The following SIRPA variants were observed in gnomAD, a reference collection of about 807,000 sequenced individuals.
SIRPA encodes signal regulatory protein alpha, also known as tyrosine-protein phosphatase non-receptor type substrate 1.
A neutral mutation model predicts 50.3 loss-of-function variants in SIRPA; 9 were observed. The ratio of observed to expected loss-of-function variants is 0.18; its 90% CI spans 0.11 to 0.31. The LOEUF (loss-of-function observed/expected upper bound fraction) is 0.31. SIRPA is among the 10% of genes least tolerant of loss of function. SIRPA has a pLI of 1.00. For missense variants in SIRPA, 474 were observed against 661.6 expected, an observed-to-expected ratio of 0.72 and a Z score of 3.11; for synonymous variants, 265 against 284.1, an observed-to-expected ratio of 0.93 and a Z score of 0.68.
intron 1 of SIRPA, among the ~76,000 whole-genome samples, chr20:1,911,636 C>T (rs1333047762): frequency 6.6e-6 from 1 of 152,146 alleles, no homozygotes; most frequent in East Asian, 1.9e-4. Flanking sequence ...TCTGGGGTTA[C>T]GTCCTCAGGG....
chr20:1,934,728 G>A lies in SIRPA; in HGVS notation c.1240G>A (p.Glu414Lys), dbSNP rs141454528. 5 of 1,613,964 alleles carry A rather than the reference G, an allele frequency of 3.1e-6. No homozygotes were observed. The highest frequency in any genetic ancestry group is 2.7e-5 in the African/African-American group (2 of 74,892). ...STSSTRLHEP[E>K]KNAREITQDT... is the part of the protein sequence containing the mutation. ...TTTCCTTTTTAGGTTGCATGAGCCCGAGAAGAATGCCAGAGAAATAACACA... is the reference window on the plus strand; with the variant it reads ...TTTCCTTTTTAGGTTGCATGAGCCCAAGAAGAATGCCAGAGAAATAACACA... The change falls in exon 7 of 8, where the codon GAG becomes AAG. Residue 414 changes from glutamate (E) to lysine (K), a missense_variant. Physicochemically the swap from Glu to Lys is moderately conservative, Grantham distance 56. This residue lies in a region of SIRPA where 180 missense variants were observed against 206.7 expected (regional missense o/e 0.87). Coordinates refer to ENST00000358771, the MANE Select transcript of SIRPA (RefSeq NM_001040023.2). The surrounding 1 kb of genome is among the most constrained non-coding windows in gnomAD (Gnocchi z 4.6).
In SIRPA at chr20:1,936,367, G is replaced by A. The variant is rs1019333643; in HGVS notation, c.1267-953G>A. On this transcript the variant is annotated intron_variant, in intron 7 of 7. Transcript: ENST00000358771. This position sits in a 1 kb window ranked among gnomAD's most constrained non-coding sequence, Gnocchi z 4.2. ...ATAGGTACCAGGCTCTGTTCTAAACGCTTTACCTGGATAATCTCATTCCAT... is the reference window on the plus strand; with the variant it reads ...ATAGGTACCAGGCTCTGTTCTAAACACTTTACCTGGATAATCTCATTCCAT... 6.6e-6 allele frequency among the ~76,000 whole-genome samples: 1 copy of A among 152,164 alleles called. No individual in the cohort carries two copies. The highest frequency in any genetic ancestry group is 2.4e-5 in the African/African-American group (1 of 41,434).
chr20:1,932,789 G>C lies in SIRPA; in HGVS notation c.1227-1926G>C, dbSNP rs901659092. 2.6e-5 allele frequency among the ~76,000 whole-genome samples: 4 copies of C among 152,094 alleles called. No individual in the cohort carries two copies. Among genetic ancestry groups the C allele is most frequent in the Non-Finnish European group, 5.9e-5 (4 of 68,016 alleles). ...TTGGAGGTGGAGCCGACGAGCCCTA[G>C]GTTGGATTAGATGAGAGCTGTAAAG... On this transcript the variant is annotated intron_variant, in intron 6 of 7. Transcript: ENST00000358771. This position sits in a 1 kb window ranked among gnomAD's most constrained non-coding sequence, Gnocchi z 6.0.
chr20:1,895,379 G>A (rs1229530254), upstream of SIRPA: 4 of 937,966 alleles, frequency 4.3e-6, no homozygotes, highest in African/African-American at 3.5e-5. Flanking sequence ...TCATTTCCCC[G>A]CTCCAGCCTG....
rs778793021 is a variant in SIRPA, at chr20:1,922,381, G to C, written c.823G>C (p.Val275Leu). 26 of 1,614,110 alleles carry C rather than the reference G, an allele frequency of 1.6e-5. No homozygotes were observed. The highest frequency in any genetic ancestry group is 2.2e-5 in the South Asian group (2 of 91,092). Residue 275 changes from valine to leucine, a missense_variant, in exon 4 of 8, where the codon GTG (valine) becomes CTG (leucine). Val to Leu is a conservative substitution (Grantham distance 32, BLOSUM62 1). This residue lies in a region of SIRPA where 221 missense variants were observed against 359.9 expected (regional missense o/e 0.61). Transcript: ENST00000358771. The stretch of plus-strand genomic sequence containing the variant: ...GAACCAGGTGAATGTCACCTGCCAG[G>C]TGAGGAAGTTCTACCCCCAGAGACT... ...AENQVNVTCQ[V>L]RKFYPQRLQL...
At position 1,936,814 on chromosome 20, in the gene SIRPA, C is replaced by T. The variant is rs2235746; in HGVS notation, c.1267-506C>T. Reference sequence around the variant, plus strand: ...CCCAAACAGACATGGTCCTGGGTAGCGGGCCCTGTGATGGAAAACAAACAT... The same window carrying T: ...CCCAAACAGACATGGTCCTGGGTAGTGGGCCCTGTGATGGAAAACAAACAT... On this transcript the variant is annotated intron_variant, in intron 7 of 7. Coordinates refer to ENST00000358771, the MANE Select transcript of SIRPA (RefSeq NM_001040023.2). The surrounding 1 kb of genome is among the most constrained non-coding windows in gnomAD (Gnocchi z 4.2). 0.2 allele frequency among the ~76,000 whole-genome samples: 30,085 copies of T among 152,048 alleles called. 3,245 individuals carry two copies. The highest frequency in any genetic ancestry group is 0.36 in the South Asian group (1,752 of 4,818).
At position 1,922,658 on chromosome 20, in the gene SIRPA, T is replaced by C. The variant is rs1600438084; in HGVS notation, c.1087+13T>C. On this transcript the variant is annotated intron_variant, in intron 4 of 7. Coordinates refer to ENST00000358771, the MANE Select transcript of SIRPA (RefSeq NM_001040023.2). ...AATACCGCCGCTGGTGAGGCCTCTA[T>C]TTCAGCTGACCCAGCTTTTTTAAAC... The C allele has an allele frequency of 6.2e-7, 1 of 1,601,778 alleles. No homozygotes were observed. Among genetic ancestry groups the C allele is most frequent in the East Asian group, 2.2e-5 (1 of 44,674 alleles).
chr20:1,894,339 G>C (rs1983626791), upstream of SIRPA: 1 of 151,598 alleles, frequency 6.6e-6, no homozygotes, highest in Admixed American at 6.6e-5. The surrounding 1 kb of genome is among the most constrained non-coding windows in gnomAD (Gnocchi z 4.0). Flanking sequence ...CGCGCGGCCG[G>C]AGTCCGGAGG....
In SIRPA at chr20:1,927,713, G is replaced by A. The variant is rs1359080779; in HGVS notation, c.1202-162G>A. Among the ~76,000 whole-genome samples the A allele has an allele frequency of 6.6e-6, 1 of 152,206 alleles. No individual in the cohort carries two copies. The highest frequency in any genetic ancestry group is 2.4e-5 in the African/African-American group (1 of 41,450). The stretch of plus-strand genomic sequence containing the variant: ...TTCCCAGGCTTCCTTGGTGGAAGAG[G>A]ATGCCCACTGGGTGGGCATGGGGGT... On this transcript the variant is annotated intron_variant, in intron 5 of 7. Transcript: ENST00000358771. The surrounding 1 kb of genome is among the most constrained non-coding windows in gnomAD (Gnocchi z 6.5).
chr20:1,936,769 C>G lies in SIRPA; in HGVS notation c.1267-551C>G, dbSNP rs866848953. Reference sequence around the variant, plus strand: ...TGAATGTCCCCACACGTACCACCATCAGCAGCACCTCCTCAGGCCCCCAAA... The same window carrying G: ...TGAATGTCCCCACACGTACCACCATGAGCAGCACCTCCTCAGGCCCCCAAA... On this transcript the variant is annotated intron_variant, in intron 7 of 7. Coordinates refer to ENST00000358771, the MANE Select transcript of SIRPA (RefSeq NM_001040023.2). The surrounding 1 kb of genome is among the most constrained non-coding windows in gnomAD (Gnocchi z 4.2). 6.6e-6 allele frequency among the ~76,000 whole-genome samples: 1 copy of G among 152,210 alleles called. No individual in the cohort carries two copies. Among genetic ancestry groups the G allele is most frequent in the South Asian group, 2.1e-4 (1 of 4,832 alleles).
Position 1,934,561 on chromosome 20 carries a change from A to G in SIRPA, c.1227-154A>G, listed in dbSNP as rs1351840804. ...TTTAGTGAGATTGACCCCTTTGTCC[A>G]AACATTTGATATGCAGTTGTATTTC... On this transcript the variant is annotated intron_variant, in intron 6 of 7. Coordinates refer to ENST00000358771, the MANE Select transcript of SIRPA (RefSeq NM_001040023.2). This position sits in a 1 kb window ranked among gnomAD's most constrained non-coding sequence, Gnocchi z 4.6. 2.0e-5 allele frequency among the ~76,000 whole-genome samples: 3 copies of G among 152,356 alleles called. No homozygotes were observed. The South Asian group carries it at 6.2e-4, about 32-fold the overall frequency.
rs1306760205 is a variant in SIRPA, at chr20:1,936,702, CAA to C, written c.1267-616_1267-615del. ...GCCAGCCTTGGTTTCTGAATCATAA[CAA>C]ATGCCCAGTGAATATTTGTGGAATA... On this transcript the variant is annotated intron_variant, in intron 7 of 7. Coordinates refer to ENST00000358771, the MANE Select transcript of SIRPA (RefSeq NM_001040023.2). This position sits in a 1 kb window ranked among gnomAD's most constrained non-coding sequence, Gnocchi z 4.2. Among the ~76,000 whole-genome samples, 4 of 152,202 alleles carry C rather than the reference CAA, an allele frequency of 2.6e-5. No homozygotes were observed. Among genetic ancestry groups the C allele is most frequent in the Non-Finnish European group, 5.9e-5 (4 of 68,032 alleles).
intron 2 of SIRPA, among the ~76,000 whole-genome samples, chr20:1,917,918 A>G (rs1291793951): frequency 6.6e-6 from 1 of 152,130 alleles, no homozygotes. Flanking sequence ...AGGGATCTCA[A>G]AGGGAAAAAG....
At chr20:1,910,553 C>T (rs1229607823) in intron 1 of SIRPA, among the ~76,000 whole-genome samples, 6 of 152,162 alleles carry the variant, frequency 3.9e-5, no homozygotes, top group African/African-American at 7.2e-5. Flanking sequence ...AAAGATTTAT[C>T]GAGCGTCTAC....
At chr20:1,911,091 C>T (rs927948998) in intron 1 of SIRPA, among the ~76,000 whole-genome samples, 6 of 152,330 alleles carry the variant, frequency 3.9e-5, no homozygotes, top group African/African-American at 1.2e-4. Context: ...TCTTGTAACA[C>T]ATTTCCATTG....
In SIRPA at chr20:1,927,950, G is replaced by A. The variant is rs1276235558; in HGVS notation, c.1226+51G>A. 4 of 1,503,296 alleles carry A rather than the reference G, an allele frequency of 2.7e-6. No homozygotes were observed. The allele number at this position is 1,503,296 out of a possible 1,614,324, so 93.1% of individuals were successfully genotyped here. A position where few individuals can be genotyped will look rare whatever the true frequency, so the allele number is the denominator to read the frequency against. Reference sequence around the variant, plus strand: ...TCTTGCAGTTATTATTTGGTTATTTGACAGCCCCCCAGACTACAAAGCATA... The same window carrying A: ...TCTTGCAGTTATTATTTGGTTATTTAACAGCCCCCCAGACTACAAAGCATA... On this transcript the variant is annotated intron_variant, in intron 6 of 7. Coordinates refer to ENST00000358771, the MANE Select transcript of SIRPA (RefSeq NM_001040023.2). This position sits in a 1 kb window ranked among gnomAD's most constrained non-coding sequence, Gnocchi z 6.5.
chr20:1,906,542 A>C (rs2123027690), intron 1 of SIRPA, among the ~76,000 whole-genome samples: 1 of 152,270 alleles, frequency 6.6e-6, no homozygotes, highest in South Asian at 2.1e-4. Context: ...TGCCAGGCAG[A>C]GGCAATGGCG....
At chr20:1,902,908 A>G (rs78527976) in intron 1 of SIRPA, among the ~76,000 whole-genome samples, 2,574 of 147,396 alleles carry the variant, frequency 0.017, 76 homozygotes, top group African/African-American at 0.06. Flanking sequence ...GCTACTCTGG[A>G]GGCTGCGGCA....
At position 1,907,859 on chromosome 20, in the gene SIRPA, G is replaced by A. The variant is rs530061011; in HGVS notation, c.80-7240G>A. On this transcript the variant is annotated intron_variant, in intron 1 of 7. Coordinates refer to ENST00000358771, the MANE Select transcript of SIRPA (RefSeq NM_001040023.2). ...GTAGTCCTGGCTGTTGGAGCCCCAA[G>A]CTCTCTTCTTGGGAACTGTGGCATC... Among the ~76,000 whole-genome samples the A allele has an allele frequency of 2.1e-4, 32 of 152,302 alleles. No individual in the cohort carries two copies. In the South Asian group the frequency reaches 4.1e-3, roughly 20 times the overall value.
Sources: gnomAD v4.1 joint callset for allele counts (sites outside exome capture counted in the v4.1 genomes callset) on GRCh38, gnomAD v4.1.1 for gene constraint, gnomAD v4.1.1 regional missense constraint, Gnocchi (gnomAD v3.1) non-coding constraint, MANE v1.5 for transcripts, NCBI Gene and HGNC (gene_info 2026-07-23, HGNC 2026-07-21) for gene names.